The following SLC17A4 variants were observed in gnomAD, a reference collection of about 807,000 sequenced individuals.
The protein encoded by SLC17A4 is solute carrier family 17 member 4, also known as probable small intestine urate exporter.
Under a neutral mutation model 52.5 loss-of-function variants are expected in SLC17A4, and 33 were observed. The ratio of observed to expected loss-of-function variants is 0.63; its 90% CI spans 0.48 to 0.84. The LOEUF (loss-of-function observed/expected upper bound fraction) is 0.84, where lower values mean the gene tolerates loss of function less well. Among genes scored for constraint, SLC17A4 ranks in the 40% least tolerant of loss-of-function variants. The pLI, the probability that SLC17A4 is intolerant of heterozygous loss-of-function variation, is 0.00. For missense variants in SLC17A4, 585 were observed against 597.1 expected (o/e 0.98, Z 0.21); for synonymous variants, 225 against 216.2 (o/e 1.04, Z -0.36).
chr6:25,778,502 G>A (rs1763125151), intron 11 of SLC17A4, among the ~76,000 whole-genome samples: 1 of 152,086 alleles, frequency 6.6e-6, no homozygotes, highest in Non-Finnish European at 1.5e-5. Context: ...AACTGCTCTT[G>A]TTTCTCCTGT....
chr6:25,779,329 G>A lies in SLC17A4; in HGVS notation c.*141G>A. 8.4e-7 allele frequency: 1 copy of A among 1,187,934 alleles called. No homozygotes were observed. The highest frequency in any genetic ancestry group is 1.2e-6 in the Non-Finnish European group (1 of 858,956). 73.6% of individuals were successfully genotyped at this position (1,187,934 alleles called of 1,614,324 possible). On this transcript the variant is annotated 3_prime_UTR_variant, in exon 12 of 12. Coordinates refer to ENST00000377905, the MANE Select transcript of SLC17A4 (RefSeq NM_005495.3). ...AACGCTAAAGATTTTACCATGCCTGGAAATTTTACAGGGGAAGAAAACACG... is the reference window on the plus strand; with the variant it reads ...AACGCTAAAGATTTTACCATGCCTGAAAATTTTACAGGGGAAGAAAACACG...
intron 1 of SLC17A4, among the ~76,000 whole-genome samples, chr6:25,759,262 T>C (rs1354178713): frequency 6.6e-6 from 1 of 152,214 alleles, no homozygotes; most frequent in African/African-American, 2.4e-5. Flanking sequence ...ATGAATAGAA[T>C]GTATATTCTG....
At chr6:25,760,550 A>G (rs1271269208) in intron 1 of SLC17A4, among the ~76,000 whole-genome samples, 18 of 152,150 alleles carry the variant, frequency 1.2e-4, no homozygotes, top group Admixed American at 1.1e-3. Context: ...GTTATTTCCT[A>G]AAGTATTGCC....
Position 25,770,961 on chromosome 6 carries a change from G to A in SLC17A4, c.655G>A (p.Gly219Ser), listed in dbSNP as rs375113428. 6.8e-6 allele frequency: 11 copies of A among 1,613,872 alleles called. No individual in the cohort carries two copies. Among genetic ancestry groups the A allele is most frequent in the Non-Finnish European group, 9.3e-6 (11 of 1,179,852 alleles). The change falls in exon 6 of 12, where the codon GGT becomes AGT. Residue 219 changes from glycine (G) to serine (S), a missense_variant. Transcript: ENST00000377905. ...GGGGTCCTTCATTGTTCTACTTGCT[G>A]GTGGTCTCCTCTGCCAGACCATAGG... ...MLGSFIVLLA[G>S]GLLCQTIGWP...
Position 25,770,906 on chromosome 6 carries a change from T to C in SLC17A4, c.620-20T>C, listed in dbSNP as rs776061039. The C allele has an allele frequency of 2.7e-5, 43 of 1,597,326 alleles. No homozygotes were observed. In the East Asian group the frequency reaches 9.4e-4, roughly 35 times the overall value. On this transcript the variant is annotated intron_variant, in intron 5 of 11. Transcript: ENST00000377905. The stretch of plus-strand genomic sequence containing the variant: ...AAGACGAGTCCTCTCACCCAGAACA[T>C]CCTCGCCTCTTCTGTTCAGGGTCAA...
chr6:25,771,143 C>A, intron 6 of SLC17A4, 131 bp downstream of exon 6: 1 of 720,964 alleles, frequency 1.4e-6, no homozygotes, highest in Non-Finnish European at 2.4e-6. Flanking sequence ...GAGCCAACTA[C>A]ATTTAACATT....
intron 8 of SLC17A4, 110 bp downstream of exon 8, chr6:25,773,784 C>G (rs1405490556): frequency 1.8e-6 from 2 of 1,104,502 alleles, no homozygotes; most frequent in African/African-American, 3.2e-5. Context: ...GGATTAGGAC[C>G]AGGCAGGACC....
intron 8 of SLC17A4, among the ~76,000 whole-genome samples, chr6:25,775,834 G>T (rs1268643644): frequency 6.6e-6 from 1 of 152,100 alleles, no homozygotes; most frequent in Non-Finnish European, 1.5e-5. Flanking sequence ...AGTATACTTA[G>T]TAATATGCCG....
At position 25,776,617 on chromosome 6, in the gene SLC17A4, C is replaced by T. The variant is rs368361659; in HGVS notation, c.1010C>T (p.Pro337Leu). The T allele has an allele frequency of 1.8e-5, 29 of 1,610,454 alleles. No homozygotes were observed. Among genetic ancestry groups the T allele is most frequent in the South Asian group, 1.2e-4 (11 of 90,356 alleles). Reference sequence around the variant, plus strand: ...CAGAGTGGGATCCTGTCTGCCTTGCCGTTTGTTGTTGGATGTATCTGCATT... The same window carrying T: ...CAGAGTGGGATCCTGTCTGCCTTGCTGTTTGTTGTTGGATGTATCTGCATT... ...LRDSGILSAL[P>L]FVVGCICIIL... Residue 337 changes from proline to leucine, a missense_variant, in exon 9 of 12, where the codon CCG becomes CTG. Coordinates refer to ENST00000377905, the MANE Select transcript of SLC17A4 (RefSeq NM_005495.3).
intron 2 of SLC17A4, chr6:25,768,457 A>G (rs1762202144): frequency 1.1e-6 from 1 of 871,408 alleles, no homozygotes; most frequent in Non-Finnish European, 1.4e-6. Context: ...TTATAGTATT[A>G]AGATGAAGTT....
At chr6:25,758,362 C>T (rs1761206784) in intron 1 of SLC17A4, among the ~76,000 whole-genome samples, 1 of 152,160 alleles carries the variant, frequency 6.6e-6, no homozygotes, top group South Asian at 2.1e-4. Flanking sequence ...CTACCTGTGT[C>T]CCTGAAATTT....
At chr6:25,774,961 C>T (rs1561811736) in intron 8 of SLC17A4, among the ~76,000 whole-genome samples, 2 of 152,166 alleles carry the variant, frequency 1.3e-5, no homozygotes, top group Non-Finnish European at 2.9e-5. Context: ...CTTTTCATTG[C>T]ATTATATTCG....
At chr6:25,768,851 C>A in intron 2 of SLC17A4, 134 bp from the exon 3 acceptor site, 1 of 820,946 alleles carries the variant, frequency 1.2e-6, no homozygotes, top group Non-Finnish European at 1.9e-6. Context: ...TTCCACTACA[C>A]ACCTACAGAG....
Position 25,779,188 on chromosome 6 carries a change from A to T in SLC17A4, c.1494A>T (p.Ter498CysextTer7). The T allele has an allele frequency of 6.2e-7, 1 of 1,613,438 alleles. No individual in the cohort carries two copies. ...WAKEQTFTHL[*>C] is the part of the protein sequence containing the mutation. ...AAGAGCAGACATTCACCCACCTCTG[A>T]GCAAACCGAGAGATGTGCTAGATCC... Residue 498 changes from the stop codon to cysteine (C), a stop_lost, in exon 12 of 12, where the codon TGA (stop) becomes TGT (cysteine). Transcript: ENST00000377905.
rs571448864 is a variant in SLC17A4 at position 25,763,294 on chromosome 6, G to A, written c.91+1241G>A. Among the ~76,000 whole-genome samples the A allele has an allele frequency of 3.3e-5, 5 of 152,244 alleles. No homozygotes were observed. In the South Asian group the frequency reaches 6.2e-4, roughly 19 times the overall value. ...GGCCTGTTGTTTCAAACAGCATCAT[G>A]CTACTAACACTCATCCTGTTTTGGT... On this transcript the variant is annotated intron_variant, in intron 2 of 11. Coordinates refer to ENST00000377905, the MANE Select transcript of SLC17A4 (RefSeq NM_005495.3).
intron 1 of SLC17A4, among the ~76,000 whole-genome samples, chr6:25,757,408 T>C (rs1010206232): frequency 1.3e-5 from 2 of 152,164 alleles, no homozygotes; most frequent in African/African-American, 4.8e-5. Context: ...CTTGGTGCTG[T>C]AACTTCTCTG....
intron 8 of SLC17A4, 139 bp from the exon 9 acceptor site, chr6:25,776,456 T>C: frequency 9.8e-7 from 1 of 1,020,678 alleles, no homozygotes; most frequent in Non-Finnish European, 1.4e-6. Flanking sequence ...TATTGGCTCA[T>C]TATAGTAACA....
chr6:25,762,465 C>T (rs1391866634), intron 2 of SLC17A4, among the ~76,000 whole-genome samples: 1 of 152,162 alleles, frequency 6.6e-6, no homozygotes, highest in African/African-American at 2.4e-5. Context: ...TAGAAGTCAC[C>T]TTTCTCCCTT....
chr6:25,769,981 C>G (rs1439185243), intron 3 of SLC17A4, 86 bp from the exon 4 acceptor site: 13 of 1,118,896 alleles, frequency 1.2e-5, no homozygotes, highest in Non-Finnish European at 1.2e-5. Context: ...AGATAACTGC[C>G]AATTAATTTT....
Sources: gnomAD v4.1 joint callset for allele counts (sites outside exome capture counted in the v4.1 genomes callset) on GRCh38, gnomAD v4.1.1 for gene constraint, MANE v1.5 for transcripts, NCBI Gene and HGNC (gene_info 2026-07-23, HGNC 2026-07-21) for gene names.